The following ARHGAP19 variants were observed in gnomAD, a reference collection of about 807,000 sequenced individuals.
The protein encoded by ARHGAP19 is rho GTPase-activating protein 19.
A neutral mutation model predicts 60.9 loss-of-function variants in ARHGAP19; 48 were observed. The ratio of observed to expected loss-of-function variants is 0.79; its 90% CI spans 0.62 to 1.00. The LOEUF (loss-of-function observed/expected upper bound fraction) is 1.00. Ranked by LOEUF, ARHGAP19 falls within the 50% of genes least tolerant of loss-of-function variation. ARHGAP19 has a pLI of 0.00. For synonymous variants in ARHGAP19, 209 were observed against 215.5 expected (o/e 0.97, Z 0.27); for missense variants, 562 against 597.2 (o/e 0.94, Z 0.61).
At chr10:97,235,704 A>T (rs1291959183) in intron 8 of ARHGAP19, among the ~76,000 whole-genome samples, 2 of 152,216 alleles carry the variant, frequency 1.3e-5, no homozygotes, top group Non-Finnish European at 2.9e-5. Context: ...CATAAATTGC[A>T]TACAGAATTT....
chr10:97,229,979 A>G, intron 9 of ARHGAP19, 105 bp from the exon 10 acceptor site: 1 of 828,140 alleles, frequency 1.2e-6, no homozygotes, highest in Non-Finnish European at 1.9e-6. Context: ...AAAAAATCTC[A>G]GCATTCTGAT....
chr10:97,264,765 T>G, intron 3 of ARHGAP19, 61 bp downstream of exon 3: 1 of 1,308,226 alleles, frequency 7.6e-7, no homozygotes, highest in Non-Finnish European at 1.1e-6. Flanking sequence ...GGCAGTTAGC[T>G]CTCAACAGAA....
rs146695285 is a variant in ARHGAP19 at position 97,231,615 on chromosome 10, C to T, written c.1285-1741G>A. Among the ~76,000 whole-genome samples, 1,257 of 152,234 alleles carry T rather than the reference C, an allele frequency of 8.3e-3. 13 individuals are homozygous for T. The highest frequency in any genetic ancestry group is 0.042 in the East Asian group (217 of 5,186). ...TAGCATAATATCTTCAAGATTCACG[C>T]ATGTTGTAGGATATGTCAGAATTTC... On this transcript the variant is annotated intron_variant, in intron 9 of 11. Coordinates refer to ENST00000358531, the MANE Select transcript of ARHGAP19 (RefSeq NM_032900.6).
intron 6 of ARHGAP19, among the ~76,000 whole-genome samples, chr10:97,251,283 AAAAAGGAAGGGAAGGG>A (rs1842649508): frequency 5.3e-5 from 1 of 19,046 alleles, no homozygotes; most frequent in Non-Finnish European, 1.1e-4. Flanking sequence ...AAGGGAAGGG[AAAAAGGAAGGGAAGGG>A]GAAAAGGAAG....
chr10:97,285,387 T>C (rs1843140796), intron 1 of ARHGAP19, among the ~76,000 whole-genome samples: 1 of 151,892 alleles, frequency 6.6e-6, no homozygotes, highest in African/African-American at 2.4e-5. Context: ...GGCCAGAGTG[T>C]AGTGGCGGCA....
chr10:97,232,882 T>A (rs1254551361), intron 9 of ARHGAP19, among the ~76,000 whole-genome samples: 3 of 152,030 alleles, frequency 2.0e-5, no homozygotes, highest in African/African-American at 7.2e-5. Flanking sequence ...GCATGGTGGC[T>A]CACGCCTATA....
intron 1 of ARHGAP19, among the ~76,000 whole-genome samples, chr10:97,285,004 C>T (rs1417119824): frequency 1.3e-5 from 2 of 151,442 alleles, no homozygotes; most frequent in African/African-American, 2.4e-5. Context: ...GCTGCGATTA[C>T]AGGTGCATGC....
Position 97,244,161 on chromosome 10 carries a change from T to G in ARHGAP19, c.994-2A>C, listed in dbSNP as rs1014549417. The G allele has an allele frequency of 3.8e-6, 6 of 1,572,998 alleles. No individual in the cohort carries two copies. The highest frequency in any genetic ancestry group is 5.2e-6 in the Non-Finnish European group (6 of 1,161,700). On this transcript the variant is annotated splice_acceptor_variant, in intron 7 of 11. Transcript: ENST00000358531. LOFTEE classifies it high-confidence loss of function. ...TGAAGCTATGAGGTCAAGGTCATCC[T>G]AAGGAAAATTTAAAAGAAGAGTAAA...
intron 6 of ARHGAP19, among the ~76,000 whole-genome samples, chr10:97,253,921 G>A (rs901480141): frequency 1.3e-5 from 2 of 152,142 alleles, no homozygotes; most frequent in African/African-American, 4.8e-5. Flanking sequence ...CACAGTTTCA[G>A]GCATGTACTC....
intron 3 of ARHGAP19, among the ~76,000 whole-genome samples, chr10:97,264,282 T>C (rs1393138507): frequency 6.6e-6 from 1 of 151,950 alleles, no homozygotes; most frequent in Non-Finnish European, 1.5e-5. Context: ...CAAAATCCCA[T>C]CTCTACAAAA....
intron 1 of ARHGAP19, among the ~76,000 whole-genome samples, chr10:97,272,053 T>C (rs998770221): frequency 6.6e-6 from 1 of 151,642 alleles, no homozygotes; most frequent in African/African-American, 2.4e-5. Flanking sequence ...AGATTGGTCT[T>C]AAATTTTCCT....
intron 6 of ARHGAP19, 105 bp downstream of exon 6, chr10:97,256,213 T>C (rs1589460907): frequency 2.2e-6 from 2 of 926,236 alleles, no homozygotes; most frequent in East Asian, 2.4e-5. Flanking sequence ...TGCAATCCCA[T>C]TCAGGACCTT....
chr10:97,229,620 A>G (rs928736314), intron 10 of ARHGAP19, 144 bp downstream of exon 10: 8 of 641,440 alleles, frequency 1.2e-5, no homozygotes, highest in Non-Finnish European at 1.4e-5. Context: ...ACCAACAGAA[A>G]GAAGGTAGCA....
chr10:97,225,426 C>T lies in ARHGAP19; in HGVS notation c.*696G>A, dbSNP rs1424817593. The T allele has an allele frequency of 6.6e-6, 1 of 152,196 alleles. No homozygotes were observed. Among genetic ancestry groups the T allele is most frequent in the East Asian group, 1.9e-4 (1 of 5,204 alleles). The allele number at this position is 152,196 out of a possible 1,614,324, so 9.4% of individuals were successfully genotyped here. A position where few individuals can be genotyped will look rare whatever the true frequency, so the allele number is the denominator to read the frequency against. On this transcript the variant is annotated 3_prime_UTR_variant, in exon 12 of 12. Transcript: ENST00000358531. Reference sequence around the variant, plus strand: ...TTAATAATTAAGATTTGTTAAAATACTGTATCATTCTGAATTCTCCTTTTT... The same window carrying T: ...TTAATAATTAAGATTTGTTAAAATATTGTATCATTCTGAATTCTCCTTTTT...
chr10:97,269,453 C>T (rs1266543907), intron 1 of ARHGAP19, among the ~76,000 whole-genome samples: 2 of 152,108 alleles, frequency 1.3e-5, no homozygotes, highest in East Asian at 3.9e-4. Context: ...TCTCTTCAAC[C>T]TTTTTACACG....
intron 1 of ARHGAP19, among the ~76,000 whole-genome samples, chr10:97,287,880 C>T (rs866857600): frequency 6.6e-5 from 10 of 152,082 alleles, no homozygotes; most frequent in Admixed American, 1.3e-4. Context: ...CTGACCAACA[C>T]GGAGAAACAC....
chr10:97,290,036 G>A (rs1197045185), intron 1 of ARHGAP19, among the ~76,000 whole-genome samples: 6 of 151,380 alleles, frequency 4.0e-5, no homozygotes, highest in Non-Finnish European at 8.8e-5. Flanking sequence ...ACAGTTCCCG[G>A]GCAAAAAAAA....
chr10:97,237,508 A>G (rs1842401109), intron 8 of ARHGAP19, among the ~76,000 whole-genome samples: 1 of 152,160 alleles, frequency 6.6e-6, no homozygotes, highest in African/African-American at 2.4e-5. Context: ...GAATAAACAA[A>G]CCTACTGTGC....
rs750951743 is a variant in ARHGAP19, at chr10:97,288,809, CTTT to C, written c.56+3760_56+3762del. ...CTTACAGAAACCCCAAACTTCTCTC[CTTT>C]TTTTTTTTTTTTTTTTTTTTGAGCT... On this transcript the variant is annotated intron_variant, in intron 1 of 11. Coordinates refer to ENST00000358531, the MANE Select transcript of ARHGAP19 (RefSeq NM_032900.6). Among the ~76,000 whole-genome samples, 234 of 119,972 alleles carry C rather than the reference CTTT, an allele frequency of 2.0e-3. No homozygotes were observed. In the East Asian group the frequency reaches 0.035, roughly 18 times the overall value. The allele number at this position is 119,972 out of a possible 152,430, so 78.7% of individuals were successfully genotyped here. A position where few individuals can be genotyped will look rare whatever the true frequency, so the allele number is the denominator to read the frequency against.
Sources: allele counts gnomAD v4.1 joint callset (sites outside exome capture counted in the v4.1 genomes callset), GRCh38; gene constraint gnomAD v4.1.1; transcripts MANE v1.5; gene names NCBI Gene and HGNC (gene_info 2026-07-23, HGNC 2026-07-21).